Variants in PRH1 observed in about 807,000 individuals in gnomAD.
PRH1 encodes salivary acidic proline-rich phosphoprotein 1/2.
Under a neutral mutation model 7.9 loss-of-function variants are expected in PRH1, and 7 were observed. That is an observed-to-expected ratio of 0.89 (90% CI 0.50 to 1.67). The LOEUF is 1.67. Among genes scored for constraint, PRH1 ranks in the 40% most tolerant of loss-of-function variants. PRH1 has a pLI of 0.00. For synonymous variants in PRH1, 45 were observed against 80.8 expected (o/e 0.56, Z 2.38); for missense variants, 109 against 223.6 (o/e 0.49, Z 3.27).
intron 1 of PRH1, among the ~76,000 whole-genome samples, chr12:11,150,526 T>G (rs1343792427): frequency 6.6e-6 from 1 of 152,136 alleles, no homozygotes; most frequent in Non-Finnish European, 1.5e-5. Flanking sequence ...TGTAGGGACA[T>G]GGATGAAATT....
chr12:11,111,517 T>C (rs1945589959), intron 1 of PRH1, among the ~76,000 whole-genome samples: 1 of 152,218 alleles, frequency 6.6e-6, no homozygotes, highest in Non-Finnish European at 1.5e-5. Context: ...ACTGCACAAC[T>C]ACATGGAAAC....
chr12:11,137,185 C>T lies in PRH1; in HGVS notation n.40-16005G>A, dbSNP rs192685959. On this transcript the variant is annotated intron_variant and non_coding_transcript_variant, in intron 1 of 1. Transcript: ENST00000541175. ...CAATTAATAAAATATAGTATCTCAA[C>T]CACAGCTCCACCAATCTATTCCACG... 2.3e-4 allele frequency among the ~76,000 whole-genome samples: 35 copies of T among 151,146 alleles called. No homozygotes were observed. The Admixed American group carries it at 2.3e-3, about 10-fold the overall frequency.
intron 2 of PRH1, among the ~76,000 whole-genome samples, chr12:10,898,515 C>T (rs574134909): frequency 1.3e-5 from 2 of 152,120 alleles, no homozygotes; most frequent in South Asian, 4.2e-4. Context: ...TTGTTCCAGC[C>T]CTCTAGGAGG....
At chr12:11,078,261 A>G in intron 1 of PRH1, 1 of 233,948 alleles carries the variant, frequency 4.3e-6, no homozygotes, top group Non-Finnish European at 8.5e-6. Flanking sequence ...AGACAAAAAG[A>G]AAAAAATTGC....
At chr12:11,046,843 TTTACAAC>T (rs1234200327) in intron 1 of PRH1, among the ~76,000 whole-genome samples, 1 of 152,188 alleles carries the variant, frequency 6.6e-6, no homozygotes, top group Non-Finnish European at 1.5e-5. Flanking sequence ...AGTCATTAGT[TTTACAAC>T]TTAGTCTACA....
rs75956070 is a variant in PRH1 at position 11,060,388 on chromosome 12, A to T, written n.124-13200T>A. On this transcript the variant is annotated intron_variant and non_coding_transcript_variant, in intron 1 of 4. Transcript: ENST00000541977. The stretch of plus-strand genomic sequence containing the variant: ...ATTTTTACATTGATAGTTTTTTTTT[A>T]GAATAAGGAAGATTTGGGTTCTGTT... Among the ~76,000 whole-genome samples the T allele has an allele frequency of 6.4e-3, 933 of 145,336 alleles. 8 individuals are homozygous for T. The highest frequency in any genetic ancestry group is 0.022 in the African/African-American group (874 of 40,522).
At chr12:11,134,303 G>A in intron 1 of PRH1, 6 of 1,206,230 alleles carry the variant, frequency 5.0e-6, no homozygotes, top group Non-Finnish European at 6.8e-6. Context: ...GGTTGTGATT[G>A]CTTGAATATC....
intron 1 of PRH1, among the ~76,000 whole-genome samples, chr12:11,114,787 T>C (rs1156606998): frequency 6.6e-6 from 1 of 152,178 alleles, no homozygotes; most frequent in Non-Finnish European, 1.5e-5. Flanking sequence ...TTTTTGTGCT[T>C]GTTTGTTTGC....
intron 2 of PRH1, among the ~76,000 whole-genome samples, chr12:10,965,789 T>C (rs1156483342): frequency 6.6e-6 from 1 of 152,248 alleles, no homozygotes; most frequent in African/African-American, 2.4e-5. Flanking sequence ...TTTCACACAG[T>C]AAATGCCTAA....
At chr12:11,151,194 G>T (rs1246525719) in intron 1 of PRH1, among the ~76,000 whole-genome samples, 1 of 151,902 alleles carries the variant, frequency 6.6e-6, no homozygotes, top group African/African-American at 2.4e-5. Flanking sequence ...GTGAGAACCT[G>T]CAAGAGTCTG....
At chr12:10,970,814 G>GC (rs61604115) in intron 2 of PRH1, among the ~76,000 whole-genome samples, 36,964 of 151,862 alleles carry the variant, frequency 0.24, 4,541 homozygotes, top group Non-Finnish European at 0.25. Flanking sequence ...TGATCCACCC[G>GC]CTCAGCCACC....
chr12:11,133,608 C>G, intron 1 of PRH1: 2 of 1,614,254 alleles, frequency 1.2e-6, no homozygotes, highest in South Asian at 1.1e-5. Flanking sequence ...GATCCTTTGC[C>G]ATGGAGCTGC....
chr12:10,923,076 C>A (rs1215713836), intron 2 of PRH1, among the ~76,000 whole-genome samples: 1 of 150,832 alleles, frequency 6.6e-6, no homozygotes, highest in Non-Finnish European at 1.5e-5. Flanking sequence ...GATCCACCCG[C>A]CTCGGCCTCC....
intron 1 of PRH1, among the ~76,000 whole-genome samples, chr12:11,137,496 A>G (rs1946589701): frequency 6.6e-6 from 1 of 152,178 alleles, no homozygotes. Context: ...ATCTGGTCCT[A>G]AAACTCTCTC....
At position 11,080,581 on chromosome 12, in the gene PRH1, C is replaced by A. The variant is rs1944466702; in HGVS notation, n.124-33393G>T. On this transcript the variant is annotated intron_variant and non_coding_transcript_variant, in intron 1 of 4. Coordinates refer to the PRH1 transcript ENST00000541977. Reference sequence around the variant, plus strand: ...GTTTGACTAAATTTATTTCTGTCACCTTTATCTCCAGTCTCTTTATTGCTA... The same window carrying A: ...GTTTGACTAAATTTATTTCTGTCACATTTATCTCCAGTCTCTTTATTGCTA... 3.5e-5 allele frequency among the ~76,000 whole-genome samples: 4 copies of A among 115,534 alleles called. 2 individuals are homozygous for A. In the South Asian group the frequency reaches 9.3e-4, roughly 27 times the overall value. 75.8% of individuals were successfully genotyped at this position (115,534 alleles called of 152,430 possible).
At chr12:11,160,240 A>G (rs1947373513) in intron 1 of PRH1, among the ~76,000 whole-genome samples, 1 of 152,212 alleles carries the variant, frequency 6.6e-6, no homozygotes, top group East Asian at 1.9e-4. Context: ...TGTTGATGCA[A>G]TATGATTTAT....
intron 1 of PRH1, among the ~76,000 whole-genome samples, chr12:11,026,587 G>A (rs1359168696): frequency 1.3e-5 from 2 of 151,920 alleles, no homozygotes; most frequent in African/African-American, 2.4e-5. Context: ...ATTCCCTAAG[G>A]AATGGAACTG....
At chr12:10,940,368 G>C (rs1182170728) in intron 2 of PRH1, among the ~76,000 whole-genome samples, 2 of 152,140 alleles carry the variant, frequency 1.3e-5, no homozygotes, top group Non-Finnish European at 2.9e-5. Flanking sequence ...CATTTAAAAA[G>C]ACTTGCAAGT....
chr12:11,050,828 A>G (rs1943112595), upstream of PRH1, among the ~76,000 whole-genome samples: 1 of 152,278 alleles, frequency 6.6e-6, no homozygotes, highest in African/African-American at 2.4e-5. Flanking sequence ...GACGGTTTCC[A>G]TATTGGAGTT....
Sources: gnomAD v4.1 joint callset for allele counts (sites outside exome capture counted in the v4.1 genomes callset) on GRCh38, gnomAD v4.1.1 for gene constraint, MANE v1.5 for transcripts, NCBI Gene and HGNC (gene_info 2026-07-23, HGNC 2026-07-21) for gene names.